The following TVP23C variants were observed in gnomAD, a reference collection of about 807,000 sequenced individuals.
TVP23C encodes trans-golgi network vesicle protein 23 homolog C.
In TVP23C, 19 loss-of-function variants were observed where a neutral mutation model predicts 28.7. The observed-to-expected ratio is 0.66, with a 90% CI of 0.46 to 0.97. TVP23C has a LOEUF of 0.97. Ranked by LOEUF, TVP23C falls within the 50% of genes least tolerant of loss-of-function variation. The pLI is 0.00. For synonymous variants in TVP23C, 68 were observed against 81.7 expected (o/e 0.83, Z 0.90); for missense variants, 186 against 241.3 (o/e 0.77, Z 1.52).
chr17:15,533,067 A>G (rs776282339), downstream of TVP23C, among the ~76,000 whole-genome samples: 2 of 152,254 alleles, frequency 1.3e-5, no homozygotes, highest in Non-Finnish European at 2.9e-5. Flanking sequence ...ACTGTAGACT[A>G]ATGGTTTTCG....
In TVP23C at chr17:15,502,960, C is replaced by T. The variant is rs1432275491; in HGVS notation, c.735G>A (p.Leu245=). ...CACCTCCCCTCCAGGCCCAAAGCCG[C>T]AAGGAGAGAAATAGGCGGGCGGGCG... Residue 245 remains leucine, a synonymous_variant, in exon 6 of 6, where the codon TTG becomes TTA. Coordinates refer to the TVP23C transcript ENST00000225576. 6 of 1,614,122 alleles carry T rather than the reference C, an allele frequency of 3.7e-6. No homozygotes were observed. In the South Asian group the frequency reaches 5.5e-5, roughly 15 times the overall value.
At chr17:15,508,397 G>A (rs187466927) in intron 5 of TVP23C, among the ~76,000 whole-genome samples, 1 of 152,290 alleles carries the variant, frequency 6.6e-6, no homozygotes, top group Non-Finnish European at 1.5e-5. Context: ...ATAGGATGAG[G>A]CTTTCTACTC....
In TVP23C at chr17:15,506,896, G is replaced by A. The variant is rs143613284; in HGVS notation, c.463-3664C>T. 223 of 878,190 alleles carry A rather than the reference G, an allele frequency of 2.5e-4. 1 individual carries two copies. The East Asian group carries it at 6.7e-3, about 26-fold the overall frequency. 54.4% of individuals were successfully genotyped at this position (878,190 alleles called of 1,614,324 possible). ...CAACCCCACCATGTTCTTCAACATC[G>A]CCATCAACGGGGAGCCCTTGGGCCG... On this transcript the variant is annotated intron_variant, in intron 5 of 5. Transcript: ENST00000225576.
At chr17:15,531,989 GTTCT>G (rs1982967051), downstream of TVP23C, among the ~76,000 whole-genome samples, 1 of 152,038 alleles carries the variant, frequency 6.6e-6, no homozygotes, top group Non-Finnish European at 1.5e-5. Context: ...TTTAGTCTGT[GTTCT>G]TTGTCATGTT....
intron 5 of TVP23C, among the ~76,000 whole-genome samples, chr17:15,510,274 TAACA>T (rs1316465496): frequency 6.6e-6 from 1 of 152,018 alleles, no homozygotes; most frequent in Non-Finnish European, 1.5e-5. Context: ...AGACTTGAGC[TAACA>T]AACAAATCAA....
chr17:15,515,536 G>A (rs141846599), intron 5 of TVP23C, among the ~76,000 whole-genome samples: 2 of 152,132 alleles, frequency 1.3e-5, no homozygotes, highest in Admixed American at 6.5e-5. Context: ...CACGAGATAC[G>A]ATTTTCATGC....
In TVP23C at chr17:15,538,347, T is replaced by C; in HGVS notation, c.*2065A>G. 20 of 903,714 alleles carry C rather than the reference T, an allele frequency of 2.2e-5. No homozygotes were observed. Among genetic ancestry groups the C allele is most frequent in the Non-Finnish European group, 2.6e-5 (20 of 755,872 alleles). The allele number at this position is 903,714 out of a possible 1,614,324, so 56.0% of individuals were successfully genotyped here. A position where few individuals can be genotyped will look rare whatever the true frequency, so the allele number is the denominator to read the frequency against. On this transcript the variant is annotated 3_prime_UTR_variant, in exon 6 of 6. Transcript: ENST00000518321. ...GGCTTACACCTGTAATCCCAGCACT[T>C]TGGGAGGCCGAGGAGGGTGGATCAT...
rs1334469867 is a variant in TVP23C at position 15,540,234 on chromosome 17, T to A, written c.*178A>T. 7.9e-6 allele frequency: 10 copies of A among 1,268,090 alleles called. No individual in the cohort carries two copies. In the East Asian group the frequency reaches 3.0e-4, roughly 38 times the overall value. The allele number at this position is 1,268,090 out of a possible 1,614,324, so 78.6% of individuals were successfully genotyped here. A position where few individuals can be genotyped will look rare whatever the true frequency, so the allele number is the denominator to read the frequency against. On this transcript the variant is annotated 3_prime_UTR_variant, in exon 6 of 6. Transcript: ENST00000518321. ...CAATGATAGTTTATCCTTCCTGGCT[T>A]TAAAATAATTTTAGGATACTGACAA...
chr17:15,529,259 C>CT (rs567965464), intron 5 of TVP23C, among the ~76,000 whole-genome samples: 176 of 152,160 alleles, frequency 1.2e-3, no homozygotes, highest in Non-Finnish European at 2.1e-3. Flanking sequence ...TGAGACCAGC[C>CT]TGGCCAACAT....
At chr17:15,543,867 A>G (rs2907504) in intron 5 of TVP23C, among the ~76,000 whole-genome samples, 134,499 of 151,122 alleles carry the variant, frequency 0.89, 60,056 homozygotes, top group Middle Eastern at 0.95. Flanking sequence ...TAGTAGATGA[A>G]AACAAATAAA....
chr17:15,560,640 C>G (rs1984338975), intron 1 of TVP23C, among the ~76,000 whole-genome samples: 1 of 148,964 alleles, frequency 6.7e-6, no homozygotes, highest in East Asian at 2.0e-4. Context: ...ACTGCAAGCT[C>G]CGCCTCCCAG....
chr17:15,527,216 C>T lies in TVP23C; in HGVS notation c.462+18569G>A, dbSNP rs183543831. Among the ~76,000 whole-genome samples, 48 of 152,314 alleles carry T rather than the reference C, an allele frequency of 3.2e-4. 1 individual carries two copies. The East Asian group carries it at 8.7e-3, about 28-fold the overall frequency. On this transcript the variant is annotated intron_variant, in intron 5 of 5. Coordinates refer to the TVP23C transcript ENST00000225576. Reference sequence around the variant, plus strand: ...ACTTTGTGTTCTTTGTTTCTGCATTCTTCAGCCTTTTTCTGCCTGTAAATA... The same window carrying T: ...ACTTTGTGTTCTTTGTTTCTGCATTTTTCAGCCTTTTTCTGCCTGTAAATA...
chr17:15,554,446 C>T (rs984129237), intron 2 of TVP23C, among the ~76,000 whole-genome samples: 2 of 152,016 alleles, frequency 1.3e-5, no homozygotes, highest in African/African-American at 4.8e-5. Context: ...ACCATGTTAG[C>T]CAGGATGATC....
At chr17:15,542,714 A>G (rs368809702) in intron 5 of TVP23C, among the ~76,000 whole-genome samples, 1 of 152,046 alleles carries the variant, frequency 6.6e-6, no homozygotes, top group African/African-American at 2.4e-5. Flanking sequence ...TGACCTCGTG[A>G]TCCGCCCGCC....
Position 15,538,132 on chromosome 17 carries a change from A to G in TVP23C, c.*2280T>C. 6.2e-7 allele frequency: 1 copy of G among 1,613,808 alleles called. No homozygotes were observed. Among genetic ancestry groups the G allele is most frequent in the Non-Finnish European group, 8.5e-7 (1 of 1,179,842 alleles). On this transcript the variant is annotated 3_prime_UTR_variant, in exon 6 of 6. Transcript: ENST00000518321. ...AGCACATAAGCTTTCTCTATTCAGG[A>G]AGTCTGATCATCTCCAGTGTTCCGC...
intron 5 of TVP23C, among the ~76,000 whole-genome samples, chr17:15,529,194 G>A (rs1384270034): frequency 1.3e-5 from 2 of 152,110 alleles, no homozygotes; most frequent in Non-Finnish European, 2.9e-5. Context: ...GCTCACGCCT[G>A]TAATCCCAGC....
chr17:15,547,940 T>C (rs1370266155), intron 3 of TVP23C, among the ~76,000 whole-genome samples: 2 of 152,182 alleles, frequency 1.3e-5, no homozygotes, highest in Non-Finnish European at 2.9e-5. Flanking sequence ...CACTAATAGA[T>C]TCAGTGGTTC....
chr17:15,553,522 GA>G (rs565524290), intron 3 of TVP23C, among the ~76,000 whole-genome samples, 162 bp downstream of exon 3: 14,713 of 118,760 alleles, frequency 0.12, 2,075 homozygotes, highest in African/African-American at 0.41. Context: ...GGGAAAAAAT[GA>G]AAAAAAAAAA....
rs1471322200 is a variant in TVP23C at position 15,538,652 on chromosome 17, C to A, written c.*1760G>T. The A allele has an allele frequency of 1.0e-6, 1 of 985,256 alleles. No individual in the cohort carries two copies. The allele number at this position is 985,256 out of a possible 1,614,324, so 61.0% of individuals were successfully genotyped here. A position where few individuals can be genotyped will look rare whatever the true frequency, so the allele number is the denominator to read the frequency against. ...AATGAAGTAAATCCATGGATACCAT[C>A]ATCCACCCAGCTGTCCAGTTTGTCT... On this transcript the variant is annotated 3_prime_UTR_variant, in exon 6 of 6. Coordinates refer to ENST00000518321, the MANE Select transcript of TVP23C (RefSeq NM_001135036.2).
Sources: gnomAD v4.1 joint callset for allele counts (sites outside exome capture counted in the v4.1 genomes callset) on GRCh38, gnomAD v4.1.1 for gene constraint, MANE v1.5 for transcripts, NCBI Gene and HGNC (gene_info 2026-07-23, HGNC 2026-07-21) for gene names.